Variants in IMMP1L observed in about 807,000 individuals in gnomAD.
IMMP1L encodes the protein mitochondrial inner membrane protease subunit 1.
In IMMP1L, 24 loss-of-function variants were observed where a neutral mutation model predicts 21.8. That is an observed-to-expected ratio of 1.10 (90% CI 0.80 to 1.55). The LOEUF is 1.55. IMMP1L is among the 40% of genes most tolerant of loss of function. The pLI, the probability that IMMP1L is intolerant of heterozygous loss-of-function variation, is 0.00. For synonymous variants in IMMP1L, 46 were observed against 62.8 expected (o/e 0.73, Z 1.26); for missense variants, 195 against 200.7 (o/e 0.97, Z 0.17).
intron 1 of IMMP1L, among the ~76,000 whole-genome samples, chr11:31,488,998 G>A (rs1353693160): frequency 5.3e-5 from 8 of 151,982 alleles, no homozygotes; most frequent in African/African-American, 1.9e-4. Flanking sequence ...CCGGGTTCAC[G>A]CCATTCTCCC....
At chr11:31,468,185 T>C (rs1021684825) in intron 1 of IMMP1L, among the ~76,000 whole-genome samples, 1 of 152,102 alleles carries the variant, frequency 6.6e-6, no homozygotes, top group Non-Finnish European at 1.5e-5. Flanking sequence ...TGGGGACAAC[T>C]GGGTAAATCT....
intron 1 of IMMP1L, among the ~76,000 whole-genome samples, chr11:31,498,283 T>C (rs1955515547): frequency 6.6e-6 from 1 of 152,190 alleles, no homozygotes; most frequent in Non-Finnish European, 1.5e-5. Context: ...AACTATAAAA[T>C]TAAAATTCTA....
chr11:31,438,627 A>G (rs959189381), intron 4 of IMMP1L, among the ~76,000 whole-genome samples: 1 of 152,142 alleles, frequency 6.6e-6, no homozygotes, highest in African/African-American at 2.4e-5. Flanking sequence ...CAAATTTTAT[A>G]GCTTTAGCTT....
intron 4 of IMMP1L, among the ~76,000 whole-genome samples, chr11:31,443,016 G>A (rs946818952): frequency 6.6e-6 from 1 of 151,984 alleles, no homozygotes; most frequent in Non-Finnish European, 1.5e-5. Context: ...ATATTAAAAA[G>A]ATGTCATTTT....
chr11:31,500,994 TTAAA>T (rs1263342912), intron 1 of IMMP1L, among the ~76,000 whole-genome samples: 5 of 152,194 alleles, frequency 3.3e-5, no homozygotes, highest in Non-Finnish European at 4.4e-5. Context: ...ATGCAGCTGT[TTAAA>T]TAAATAACTT....
chr11:31,467,891 C>T (rs1220686329), intron 1 of IMMP1L, among the ~76,000 whole-genome samples: 2 of 151,648 alleles, frequency 1.3e-5, no homozygotes, highest in African/African-American at 4.8e-5. Flanking sequence ...TATCATGTGG[C>T]CTCTTACCAA....
rs1954108579 is a variant in IMMP1L at position 31,460,690 on chromosome 11, T to C, written c.130A>G (p.Thr44Ala). 1 of 1,609,822 alleles carries C rather than the reference T, an allele frequency of 6.2e-7. No individual in the cohort carries two copies. The highest frequency in any genetic ancestry group is 1.3e-5 in the African/African-American group (1 of 74,956). ...AAGACAATATCTGAATTTTGAATTGTAGGCTCCATTGATGGTCCAGAACAC... is the reference window on the plus strand; with the variant it reads ...AAGACAATATCTGAATTTTGAATTGCAGGCTCCATTGATGGTCCAGAACAC... The part of the protein sequence containing the change: ...VMCSGPSMEP[T>A]IQNSDIVFAE... Residue 44 changes from threonine to alanine, a missense_variant, in exon 3 of 6, where the codon ACA (threonine) becomes GCA (alanine). Coordinates refer to ENST00000532287, the MANE Select transcript of IMMP1L (RefSeq NM_001304274.2).
chr11:31,461,089 T>C (rs542926004), intron 2 of IMMP1L, among the ~76,000 whole-genome samples: 8 of 152,316 alleles, frequency 5.3e-5, no homozygotes, highest in African/African-American at 1.9e-4. Flanking sequence ...AAACCATACA[T>C]ATTGGTTGAA....
At chr11:31,487,247 T>A (rs1565004185) in intron 1 of IMMP1L, among the ~76,000 whole-genome samples, 1 of 152,002 alleles carries the variant, frequency 6.6e-6, no homozygotes, top group Non-Finnish European at 1.5e-5. Flanking sequence ...TTCTCCACAA[T>A]CCTAATTAAA....
At chr11:31,487,671 T>G (rs1955128448) in intron 1 of IMMP1L, among the ~76,000 whole-genome samples, 1 of 152,010 alleles carries the variant, frequency 6.6e-6, no homozygotes. Flanking sequence ...AAAACAAAAG[T>G]ACAGGGAATG....
rs548739672 is a variant in IMMP1L, at chr11:31,456,211, T to C, written c.321+49A>G. 35 of 1,351,306 alleles carry C rather than the reference T, an allele frequency of 2.6e-5. No individual in the cohort carries two copies. In the Admixed American group the frequency reaches 6.1e-4, roughly 24 times the overall value. 83.7% of individuals were successfully genotyped at this position (1,351,306 alleles called of 1,614,324 possible). ...TTTTCTTTTGTCAGCACTCAGTTAA[T>C]GTTAATCAATTATGACACCAAAAAT... On this transcript the variant is annotated intron_variant, in intron 4 of 5. Transcript: ENST00000532287.
At chr11:31,506,213 C>A (rs1483404347) in intron 1 of IMMP1L, among the ~76,000 whole-genome samples, 1 of 151,692 alleles carries the variant, frequency 6.6e-6, no homozygotes, top group Non-Finnish European at 1.5e-5. Flanking sequence ...TAAGAACGCA[C>A]CTAAACATAT....
intron 4 of IMMP1L, among the ~76,000 whole-genome samples, chr11:31,446,146 G>C: frequency 6.6e-6 from 1 of 152,040 alleles, no homozygotes; most frequent in Admixed American, 6.5e-5. Context: ...TCACCCTGTG[G>C]CAAGAACTAA....
intron 1 of IMMP1L, among the ~76,000 whole-genome samples, chr11:31,463,799 T>C (rs1044168568): frequency 6.6e-6 from 1 of 152,158 alleles, no homozygotes. Flanking sequence ...TGGGGCCTAG[T>C]AGAAATACTC....
intron 1 of IMMP1L, among the ~76,000 whole-genome samples, chr11:31,474,433 A>C (rs1316253114): frequency 6.6e-6 from 1 of 152,312 alleles, no homozygotes; most frequent in African/African-American, 2.4e-5. Context: ...ATAAGTGTTA[A>C]ATCTACTGTA....
intron 4 of IMMP1L, among the ~76,000 whole-genome samples, chr11:31,443,561 A>C (rs1215739842): frequency 6.6e-6 from 1 of 152,298 alleles, no homozygotes; most frequent in East Asian, 1.9e-4. Context: ...TGAGCTAATT[A>C]AGGCCGAGGA....
intron 1 of IMMP1L, among the ~76,000 whole-genome samples, chr11:31,472,548 G>A (rs970456604): frequency 6.6e-6 from 1 of 152,102 alleles, no homozygotes; most frequent in African/African-American, 2.4e-5. Context: ...AATCTGGGAA[G>A]CTTGGGCACC....
At chr11:31,489,160 G>A (rs1035555072) in intron 1 of IMMP1L, among the ~76,000 whole-genome samples, 8 of 152,078 alleles carry the variant, frequency 5.3e-5, no homozygotes, top group Admixed American at 2.6e-4. Flanking sequence ...GCCTCCCAAA[G>A]TGCTGGGATT....
At position 31,432,433 on chromosome 11, in the gene IMMP1L, G is replaced by T; in HGVS notation, c.*67C>A. On this transcript the variant is annotated 3_prime_UTR_variant, in exon 6 of 6. Transcript: ENST00000532287. ...CAAATAGTTTATTGGTAAGTACACGGTTTCAACGGGAGTAATAAATTCACA... is the reference window on the plus strand; with the variant it reads ...CAAATAGTTTATTGGTAAGTACACGTTTTCAACGGGAGTAATAAATTCACA... 1 of 1,096,164 alleles carries T rather than the reference G, an allele frequency of 9.1e-7. No individual in the cohort carries two copies. Among genetic ancestry groups the T allele is most frequent in the Non-Finnish European group, 1.4e-6 (1 of 712,102 alleles). The allele number at this position is 1,096,164 out of a possible 1,614,324, so 67.9% of individuals were successfully genotyped here. A position where few individuals can be genotyped will look rare whatever the true frequency, so the allele number is the denominator to read the frequency against.
Sources: allele counts gnomAD v4.1 joint callset (sites outside exome capture counted in the v4.1 genomes callset), GRCh38; gene constraint gnomAD v4.1.1; transcripts MANE v1.5; gene names NCBI Gene and HGNC (gene_info 2026-07-23, HGNC 2026-07-21).